LRP1B: variants seen among roughly 807,000 people sequenced by gnomAD.
LRP1B encodes the protein low-density lipoprotein receptor-related protein 1B.
Under a neutral mutation model 556.6 loss-of-function variants are expected in LRP1B, and 217 were observed. That is an observed-to-expected ratio of 0.39 (90% CI 0.35 to 0.44). The LOEUF (loss-of-function observed/expected upper bound fraction) is 0.44, where lower values mean the gene tolerates loss of function less well. LRP1B is among the 20% of genes least tolerant of loss of function. LRP1B has a pLI of 1.00. For synonymous variants in LRP1B, 2,047 were observed against 1,865.8 expected (o/e 1.10, Z -2.50); for missense variants, 5,053 against 5,620.8 (o/e 0.90, Z 3.23).
chr2:141,113,586 G>C (rs1922699), intron 7 of LRP1B, among the ~76,000 whole-genome samples: 136,880 of 152,100 alleles, frequency 0.9, 61,961 homozygotes, highest in East Asian at 0.99. Flanking sequence ...TTAAGTTCTA[G>C]TTCTTTGAAA....
intron 1 of LRP1B, among the ~76,000 whole-genome samples, chr2:141,848,259 A>G (rs1225015731): frequency 1.3e-5 from 2 of 151,578 alleles, no homozygotes; most frequent in Admixed American, 6.6e-5. Context: ...TGTAATTCCA[A>G]CCATTGGTAT....
At chr2:141,684,404 G>A (rs1691218462) in intron 2 of LRP1B, among the ~76,000 whole-genome samples, 1 of 152,132 alleles carries the variant, frequency 6.6e-6, no homozygotes, top group Non-Finnish European at 1.5e-5. Flanking sequence ...GTTGAACAAT[G>A]AGAACACATA....
chr2:141,145,927 T>A (rs1240640212), intron 7 of LRP1B, among the ~76,000 whole-genome samples: 1 of 136,470 alleles, frequency 7.3e-6, no homozygotes, highest in Non-Finnish European at 1.6e-5. Context: ...TCTTTCTTTT[T>A]TTTTTTTTTT....
intron 2 of LRP1B, among the ~76,000 whole-genome samples, chr2:141,708,252 T>C (rs899553338): frequency 3.9e-5 from 6 of 152,106 alleles, no homozygotes; most frequent in Admixed American, 6.6e-5. Context: ...AAATTAAATC[T>C]ATTTATGTAA....
At chr2:141,726,803 G>A (rs948467474) in intron 2 of LRP1B, among the ~76,000 whole-genome samples, 1 of 152,080 alleles carries the variant, frequency 6.6e-6, no homozygotes, top group Non-Finnish European at 1.5e-5. Context: ...AACTTATAAA[G>A]TTTGTTCATA....
intron 1 of LRP1B, among the ~76,000 whole-genome samples, chr2:142,088,657 T>C (rs1397217005): frequency 6.6e-6 from 1 of 152,114 alleles, no homozygotes; most frequent in African/African-American, 2.4e-5. Context: ...AATGAAACAG[T>C]CCAAGTAGCA....
intron 1 of LRP1B, among the ~76,000 whole-genome samples, chr2:142,081,704 C>T (rs780791696): frequency 1.3e-5 from 2 of 152,080 alleles, no homozygotes; most frequent in African/African-American, 4.8e-5. Flanking sequence ...GTCTCAAATT[C>T]CTGGGCTCAA....
At chr2:141,367,439 C>T (rs954076857) in intron 3 of LRP1B, among the ~76,000 whole-genome samples, 1 of 124,748 alleles carries the variant, frequency 8.0e-6, no homozygotes, top group Non-Finnish European at 1.7e-5. Flanking sequence ...ATTTTTGAAA[C>T]GTATTTTGGA....
chr2:140,898,825 G>A (rs773641142), intron 23 of LRP1B: 41 of 496,792 alleles, frequency 8.3e-5, no homozygotes, highest in Admixed American at 2.0e-4. Context: ...ACCGGATGTG[G>A]TGGATCTTTC....
intron 2 of LRP1B, among the ~76,000 whole-genome samples, chr2:141,484,959 T>G (rs1683066885): frequency 6.6e-6 from 1 of 152,164 alleles, no homozygotes; most frequent in African/African-American, 2.4e-5. Context: ...TTTTCACTGT[T>G]AAGATTGCCA....
intron 3 of LRP1B, among the ~76,000 whole-genome samples, chr2:141,266,936 C>A (rs1684911958): frequency 6.6e-6 from 1 of 152,090 alleles, no homozygotes; most frequent in African/African-American, 2.4e-5. Flanking sequence ...AAAATGTTTA[C>A]TTTAGCATAA....
chr2:141,139,760 A>T (rs1295842566), intron 7 of LRP1B, among the ~76,000 whole-genome samples: 2 of 149,786 alleles, frequency 1.3e-5, no homozygotes, highest in Non-Finnish European at 3.0e-5. Flanking sequence ...AATGTAAAAA[A>T]AGTACAGCCA....
chr2:142,030,685 G>T (rs140063749), intron 1 of LRP1B, among the ~76,000 whole-genome samples: 1 of 151,856 alleles, frequency 6.6e-6, no homozygotes, highest in African/African-American at 2.4e-5. Context: ...ATGGAATGGG[G>T]TGCAAGGCAA....
At chr2:140,730,378 A>T (rs112120209) in intron 35 of LRP1B, among the ~76,000 whole-genome samples, 3,464 of 152,292 alleles carry the variant, frequency 0.023, 56 homozygotes, top group Middle Eastern at 0.051. Context: ...CTTAGATAGC[A>T]TCCAAACTTT....
At chr2:141,073,328 C>T (rs912679467) in intron 7 of LRP1B, among the ~76,000 whole-genome samples, 1 of 152,004 alleles carries the variant, frequency 6.6e-6, no homozygotes, top group African/African-American at 2.4e-5. Flanking sequence ...TGGCATCAGG[C>T]CAAATTCATC....
At chr2:141,489,218 G>T (rs1348184905) in intron 2 of LRP1B, among the ~76,000 whole-genome samples, 2 of 143,900 alleles carry the variant, frequency 1.4e-5, no homozygotes, top group Non-Finnish European at 3.0e-5. Flanking sequence ...AAACTCTGGA[G>T]CTCAAGCAAT....
intron 41 of LRP1B, among the ~76,000 whole-genome samples, chr2:140,648,504 C>G (rs1231827749): frequency 1.3e-5 from 2 of 151,556 alleles, no homozygotes; most frequent in East Asian, 1.9e-4. Context: ...TTGTGAAATA[C>G]TGTGGAGAAT....
chr2:140,975,013 G>A (rs1323241376), intron 18 of LRP1B, among the ~76,000 whole-genome samples: 1 of 152,148 alleles, frequency 6.6e-6, no homozygotes, highest in African/African-American at 2.4e-5. Flanking sequence ...GCAGGCCCAA[G>A]GGATAGGCCA....
chr2:142,061,528 C>T (rs962960905), intron 1 of LRP1B, among the ~76,000 whole-genome samples: 1 of 151,892 alleles, frequency 6.6e-6, no homozygotes, highest in African/African-American at 2.4e-5. Context: ...GTGCAGCAAA[C>T]AGGGCAAAGA....
Sources: allele counts gnomAD v4.1 joint callset (sites outside exome capture counted in the v4.1 genomes callset), GRCh38; gene constraint gnomAD v4.1.1; transcripts MANE v1.5; gene names NCBI Gene and HGNC (gene_info 2026-07-23, HGNC 2026-07-21).